CADM2: variants seen among roughly 807,000 people sequenced by gnomAD.
CADM2 encodes the protein immunoglobulin superfamily member 4D.
A neutral mutation model predicts 49.8 loss-of-function variants in CADM2; 12 were observed. The ratio of observed to expected loss-of-function variants is 0.24; its 90% CI spans 0.15 to 0.39. The LOEUF is 0.39. Among genes scored for constraint, CADM2 ranks in the 10% least tolerant of loss-of-function variants. The pLI, the probability that CADM2 is intolerant of heterozygous loss-of-function variation, is 1.00. For missense variants in CADM2, 378 were observed against 492.3 expected, an observed-to-expected ratio of 0.77 and a Z score of 2.20; for synonymous variants, 214 against 175.4, an observed-to-expected ratio of 1.22 and a Z score of -1.74.
intron 1 of CADM2, among the ~76,000 whole-genome samples, chr3:85,334,480 T>C (rs1331564687): frequency 2.0e-5 from 3 of 151,580 alleles, no homozygotes; most frequent in African/African-American, 4.8e-5. Context: ...TATCAGAGTG[T>C]AATAGTGCCT....
chr3:85,258,401 G>T (rs1559746524), intron 1 of CADM2, among the ~76,000 whole-genome samples: 1 of 151,834 alleles, frequency 6.6e-6, no homozygotes, highest in Non-Finnish European at 1.5e-5. Flanking sequence ...TGAAAAGCCT[G>T]CTACTGACTG....
chr3:85,925,636 G>T (rs2108513308), intron 6 of CADM2, among the ~76,000 whole-genome samples: 1 of 152,178 alleles, frequency 6.6e-6, no homozygotes, highest in Non-Finnish European at 1.5e-5. Flanking sequence ...CTTGAGGTGT[G>T]GATTGAGTTT....
intron 5 of CADM2, among the ~76,000 whole-genome samples, chr3:85,908,778 G>C (rs1034239621): frequency 6.6e-6 from 1 of 150,762 alleles, no homozygotes; most frequent in Non-Finnish European, 1.5e-5. Flanking sequence ...AGGCTGGAGT[G>C]CAGGGGCGTG....
chr3:85,455,983 A>G (rs926017038), intron 1 of CADM2, among the ~76,000 whole-genome samples: 3 of 152,202 alleles, frequency 2.0e-5, no homozygotes, highest in African/African-American at 7.2e-5. Flanking sequence ...CATAAAAATA[A>G]CAAATGACAT....
intron 1 of CADM2, among the ~76,000 whole-genome samples, chr3:85,593,325 T>C (rs1355364506): frequency 6.6e-6 from 1 of 151,996 alleles, no homozygotes; most frequent in African/African-American, 2.4e-5. Context: ...GTTTAGGCAC[T>C]AACGTTAAAG....
chr3:85,372,288 A>G (rs560323400), intron 1 of CADM2, among the ~76,000 whole-genome samples: 1 of 151,948 alleles, frequency 6.6e-6, no homozygotes, highest in East Asian at 1.9e-4. Context: ...TTAAGAGAAT[A>G]TATGTTTGTC....
intron 1 of CADM2, among the ~76,000 whole-genome samples, chr3:85,292,793 T>C (rs1372735665): frequency 6.6e-6 from 1 of 152,128 alleles, no homozygotes; most frequent in African/African-American, 2.4e-5. Flanking sequence ...AAAAGCAGTG[T>C]GTAGAGGGAA....
chr3:85,448,965 G>A (rs191235051), intron 1 of CADM2, among the ~76,000 whole-genome samples: 5 of 151,176 alleles, frequency 3.3e-5, no homozygotes, highest in Admixed American at 2.6e-4. Context: ...CAGGACAATC[G>A]CTTGAACCCG....
chr3:85,993,276 T>C (rs1729005069), intron 8 of CADM2: 1 of 152,178 alleles, frequency 6.6e-6, no homozygotes, highest in Non-Finnish European at 1.5e-5. Context: ...TTTTATTTGC[T>C]CCACCATAAG....
chr3:85,079,712 T>TA (rs1020924246), intron 1 of CADM2, among the ~76,000 whole-genome samples: 11 of 151,664 alleles, frequency 7.3e-5, no homozygotes, highest in East Asian at 3.9e-4. Flanking sequence ...AATACAAAAA[T>TA]AAAAAAAATT....
At chr3:85,348,553 C>A (rs1264955437) in intron 1 of CADM2, among the ~76,000 whole-genome samples, 3 of 152,094 alleles carry the variant, frequency 2.0e-5, no homozygotes, top group Non-Finnish European at 2.9e-5. Context: ...TTAAAAAAAT[C>A]TTCAGGAAAT....
intron 1 of CADM2, among the ~76,000 whole-genome samples, chr3:85,665,615 GT>G (rs1009437245): frequency 1.3e-5 from 2 of 151,924 alleles, no homozygotes; most frequent in African/African-American, 4.8e-5. Flanking sequence ...TTTCCTGAGT[GT>G]TTTTATTCCT....
At chr3:85,616,979 A>C (rs1407171293) in intron 1 of CADM2, among the ~76,000 whole-genome samples, 2 of 152,116 alleles carry the variant, frequency 1.3e-5, no homozygotes, top group Non-Finnish European at 2.9e-5. Context: ...GTGTGGTGAA[A>C]ACACACTCAA....
intron 1 of CADM2, among the ~76,000 whole-genome samples, chr3:85,159,678 A>G (rs1162701168): frequency 6.6e-6 from 1 of 152,152 alleles, no homozygotes; most frequent in Non-Finnish European, 1.5e-5. Context: ...TAACCGAATG[A>G]TTAACGCTGA....
chr3:84,978,055 A>G (rs1352720522), intron 1 of CADM2, among the ~76,000 whole-genome samples: 1 of 152,116 alleles, frequency 6.6e-6, no homozygotes, highest in Non-Finnish European at 1.5e-5. Flanking sequence ...TAAATTAGAG[A>G]TGGCAAATTT....
chr3:85,487,175 T>A (rs1440376609), intron 1 of CADM2, among the ~76,000 whole-genome samples: 2 of 152,196 alleles, frequency 1.3e-5, no homozygotes, highest in Non-Finnish European at 2.9e-5. Flanking sequence ...ATTCTGATTT[T>A]CCCTGTTTGC....
At chr3:85,056,700 T>C (rs1485678251) in intron 1 of CADM2, among the ~76,000 whole-genome samples, 1 of 152,152 alleles carries the variant, frequency 6.6e-6, no homozygotes. Context: ...ATATATCCCC[T>C]AGTGAAATGC....
At chr3:85,927,170 T>C (rs1719978754) in intron 6 of CADM2, among the ~76,000 whole-genome samples, 1 of 152,176 alleles carries the variant, frequency 6.6e-6, no homozygotes, top group Non-Finnish European at 1.5e-5. Context: ...AGAAGATAGT[T>C]GTGACGAGTA....
At chr3:85,938,469 A>T (rs74697015) in intron 7 of CADM2, among the ~76,000 whole-genome samples, 4,042 of 152,160 alleles carry the variant, frequency 0.027, 74 homozygotes, top group Non-Finnish European at 0.043. Flanking sequence ...GATGAGAAAA[A>T]ATTCTGTCAA....
Sources: gnomAD v4.1 joint callset for allele counts (sites outside exome capture counted in the v4.1 genomes callset) on GRCh38, gnomAD v4.1.1 for gene constraint, MANE v1.5 for transcripts, NCBI Gene and HGNC (gene_info 2026-07-23, HGNC 2026-07-21) for gene names.